CACNA1E: variants seen among roughly 807,000 people sequenced by gnomAD.
CACNA1E encodes calcium voltage-gated channel subunit alpha1 E, also known as voltage-dependent R-type calcium channel subunit alpha-1E.
Under a neutral mutation model 259.2 loss-of-function variants are expected in CACNA1E, and 40 were observed. The observed-to-expected ratio is 0.15, with a 90% CI of 0.12 to 0.20. The LOEUF is 0.20. Among genes scored for constraint, CACNA1E ranks in the 10% least tolerant of loss-of-function variants. CACNA1E has a pLI of 1.00. For synonymous variants in CACNA1E, 1,104 were observed against 1,138.5 expected (o/e 0.97, Z 0.61); for missense variants, 1,874 against 3,040.1 (o/e 0.62, Z 9.02).
intron 7 of CACNA1E, among the ~76,000 whole-genome samples, chr1:181,673,271 C>A (rs973723780): frequency 8.5e-5 from 13 of 152,190 alleles, no homozygotes; most frequent in Middle Eastern, 3.4e-3. Context: ...CAATCCCTGT[C>A]CATCCTTGAG....
At chr1:181,357,207 G>A (rs1389714446) in intron 1 of CACNA1E, among the ~76,000 whole-genome samples, 1 of 152,154 alleles carries the variant, frequency 6.6e-6, no homozygotes, top group African/African-American at 2.4e-5. Flanking sequence ...GTCTGGGGCA[G>A]GTCTCTGGAA....
chr1:181,639,282 G>A (rs1486356746), intron 6 of CACNA1E, among the ~76,000 whole-genome samples: 2 of 152,126 alleles, frequency 1.3e-5, no homozygotes, highest in Non-Finnish European at 2.9e-5. Context: ...TAGAGATGGG[G>A]TTTCACCGTG....
chr1:181,790,447 G>A lies in CACNA1E; in HGVS notation c.5789G>A (p.Ser1930Asn). 3 of 1,605,678 alleles carry A rather than the reference G, an allele frequency of 1.9e-6. No homozygotes were observed. The highest frequency in any genetic ancestry group is 2.6e-6 in the Non-Finnish European group (3 of 1,172,346). The change falls in exon 44 of 48, where the codon AGT becomes AAT. Residue 1930 changes from serine to asparagine, a missense_variant and splice_region_variant. By Grantham distance (46) the Ser-to-Asn change is conservative. Around this residue, in one of 14 missense-constraint regions of CACNA1E, gnomAD observed 542 missense variants for 587.2 expected, o/e 0.92. Transcript: ENST00000367573. ...CTGGATTTGACATTGCTTTTCAGGAGTGGCCGGAGTGGATACCCTTCGATG... is the reference window on the plus strand; with the variant it reads ...CTGGATTTGACATTGCTTTTCAGGAATGGCCGGAGTGGATACCCTTCGATG... Reference protein sequence around the residue: ...YLQQDPVSGLSGRSGYPSMSP... With the variant: ...YLQQDPVSGLNGRSGYPSMSP...
chr1:181,551,513 G>C (rs1222444496), intron 3 of CACNA1E, among the ~76,000 whole-genome samples: 1 of 152,228 alleles, frequency 6.6e-6, no homozygotes, highest in Non-Finnish European at 1.5e-5. Flanking sequence ...AGACCCGCCA[G>C]CTCAGCCAGC....
intron 6 of CACNA1E, among the ~76,000 whole-genome samples, chr1:181,584,393 A>T (rs1027258832): frequency 6.6e-6 from 1 of 152,186 alleles, no homozygotes; most frequent in Non-Finnish European, 1.5e-5. Flanking sequence ...CTATGGTGGA[A>T]GGGGTTTTAT....
At chr1:181,454,707 C>T (rs1197506476) in intron 2 of CACNA1E, among the ~76,000 whole-genome samples, 2 of 152,202 alleles carry the variant, frequency 1.3e-5, no homozygotes, top group Non-Finnish European at 2.9e-5. Context: ...TGTCTTCCCC[C>T]TAAACCAGTT....
At chr1:181,503,454 A>G (rs1172193252) in intron 1 of CACNA1E, among the ~76,000 whole-genome samples, 5 of 152,144 alleles carry the variant, frequency 3.3e-5, no homozygotes, top group African/African-American at 1.2e-4. Context: ...TGCGCTTTCC[A>G]TATTCTCAGG....
chr1:181,802,373 A>T lies in CACNA1E; in HGVS notation c.*3539A>T, dbSNP rs1199520775. ...GACCTCTCTTGACTCTGGGGCCACA[A>T]AGAGAAGGCCCCATAATCCACCTCT... On this transcript the variant is annotated 3_prime_UTR_variant, in exon 48 of 48. Coordinates refer to ENST00000367573, the MANE Select transcript of CACNA1E (RefSeq NM_001205293.3). 1 of 152,162 alleles carries T rather than the reference A, an allele frequency of 6.6e-6. No individual in the cohort carries two copies. Among genetic ancestry groups the T allele is most frequent in the Non-Finnish European group, 1.5e-5 (1 of 68,076 alleles). 9.4% of individuals were successfully genotyped at this position (152,162 alleles called of 1,614,324 possible). A position where few individuals can be genotyped will look rare whatever the true frequency, so the allele number is the denominator to read the frequency against.
At chr1:181,469,719 A>G (rs1662372986) in intron 2 of CACNA1E, among the ~76,000 whole-genome samples, 1 of 152,088 alleles carries the variant, frequency 6.6e-6, no homozygotes, top group South Asian at 2.1e-4. Context: ...CAGGAGAAGG[A>G]AAGGTGAAGA....
At position 181,806,192 on chromosome 1, in the gene CACNA1E, G is replaced by A. The variant is rs1558420929; in HGVS notation, c.*7358G>A. 1 of 152,238 alleles carries A rather than the reference G, an allele frequency of 6.6e-6. No individual in the cohort carries two copies. The allele number at this position is 152,238 out of a possible 1,614,324, so 9.4% of individuals were successfully genotyped here. On this transcript the variant is annotated 3_prime_UTR_variant, in exon 48 of 48. Coordinates refer to ENST00000367573, the MANE Select transcript of CACNA1E (RefSeq NM_001205293.3). ...GTAGCACCAATAAAGGAGAGATTAT[G>A]TTAACTTCCTAGTGGTGAGAATACC...
chr1:181,555,036 C>A (rs1299709721), intron 3 of CACNA1E, among the ~76,000 whole-genome samples: 1 of 152,170 alleles, frequency 6.6e-6, no homozygotes, highest in African/African-American at 2.4e-5. Flanking sequence ...GATGCTCATA[C>A]AGGAGAATGT....
In CACNA1E at chr1:181,650,151, G is replaced by T. The variant is rs193148991; in HGVS notation, c.952-1187G>T. Among the ~76,000 whole-genome samples the T allele has an allele frequency of 3.9e-5, 6 of 152,308 alleles. No individual in the cohort carries two copies. In the East Asian group the frequency reaches 9.6e-4, roughly 24 times the overall value. On this transcript the variant is annotated intron_variant, in intron 6 of 47. Transcript: ENST00000367573. ...AAGAAAACAAGAGAATGTCACAGAA[G>T]TCCACAGGAAGCATGGGGACAATGA...
At chr1:181,728,562 C>T (rs572102972) in intron 18 of CACNA1E, among the ~76,000 whole-genome samples, 2 of 151,552 alleles carry the variant, frequency 1.3e-5, no homozygotes, top group South Asian at 2.1e-4. Context: ...GATGTGTGTG[C>T]CCTGCAAAGA....
Position 181,327,202 on chromosome 1 carries a change from C to A in CACNA1E, c.-15+9079C>A, listed in dbSNP as rs914194320. Among the ~76,000 whole-genome samples, 3 of 152,160 alleles carry A rather than the reference C, an allele frequency of 2.0e-5. No homozygotes were observed. The South Asian group carries it at 6.2e-4, about 32-fold the overall frequency. ...AACAAGTAAAGATGCTACTCTGGAA[C>A]CTTTGGCAAATCCTGATTCTCCTTC... On this transcript the variant is annotated intron_variant, in intron 1 of 11. Transcript: ENST00000524607.
intron 38 of CACNA1E, among the ~76,000 whole-genome samples, chr1:181,778,291 C>G (rs990132660): frequency 1.3e-5 from 2 of 152,200 alleles, no homozygotes; most frequent in Non-Finnish European, 2.9e-5. Context: ...ACTTCCCAAT[C>G]TCACTAAGGC....
chr1:181,751,915 G>A, intron 26 of CACNA1E: 1 of 666,914 alleles, frequency 1.5e-6, no homozygotes, highest in Non-Finnish European at 2.8e-6. Flanking sequence ...GTACGTGCAT[G>A]TGGATGTGTG....
chr1:181,425,364 T>C (rs1288492664), intron 2 of CACNA1E, among the ~76,000 whole-genome samples: 1 of 152,086 alleles, frequency 6.6e-6, no homozygotes, highest in Admixed American at 6.5e-5. Flanking sequence ...CCTGGACCCA[T>C]GGCTGCAAAT....
At chr1:181,592,666 G>T (rs1023042898) in intron 6 of CACNA1E, among the ~76,000 whole-genome samples, 5 of 152,092 alleles carry the variant, frequency 3.3e-5, no homozygotes, top group African/African-American at 1.2e-4. Flanking sequence ...GCAATCTGAG[G>T]GGTGCTGGGG....
At position 181,318,384 on chromosome 1, in the gene CACNA1E, C is replaced by T. The variant is rs114013737; in HGVS notation, c.-15+261C>T. ...GTGGGAATTGTCCTGGCGTGGGAAACGCCCCCGCGCTCTTTGGCACTTAGG... is the reference window on the plus strand; with the variant it reads ...GTGGGAATTGTCCTGGCGTGGGAAATGCCCCCGCGCTCTTTGGCACTTAGG... On this transcript the variant is annotated intron_variant, in intron 1 of 11. Transcript: ENST00000524607. Among the ~76,000 whole-genome samples, 831 of 152,292 alleles carry T rather than the reference C, an allele frequency of 5.5e-3. 11 individuals carry two copies. Among genetic ancestry groups the T allele is most frequent in the African/African-American group, 0.019 (803 of 41,556 alleles).
Sources: allele counts gnomAD v4.1 joint callset (sites outside exome capture counted in the v4.1 genomes callset), GRCh38; gene constraint gnomAD v4.1.1; regional missense constraint gnomAD v4.1.1; transcripts MANE v1.5; gene names NCBI Gene and HGNC (gene_info 2026-07-23, HGNC 2026-07-21).